The following AHCYL2 variants were observed in gnomAD, a reference collection of about 807,000 sequenced individuals.
The protein encoded by AHCYL2 is S-adenosylhomocysteine hydrolase-like protein 2.
A neutral mutation model predicts 81.4 loss-of-function variants in AHCYL2; 28 were observed. The observed-to-expected ratio is 0.34, with a 90% CI of 0.25 to 0.47. The LOEUF is 0.47. Ranked by LOEUF, AHCYL2 falls within the 20% of genes least tolerant of loss-of-function variation. The pLI, the probability that AHCYL2 is intolerant of heterozygous loss-of-function variation, is 1.00. For synonymous variants in AHCYL2, 272 were observed against 290.2 expected, an observed-to-expected ratio of 0.94 and a Z score of 0.64; for missense variants, 551 against 785.1, an observed-to-expected ratio of 0.70 and a Z score of 3.56.
chr7:129,294,998 T>C (rs2150755019), intron 1 of AHCYL2, among the ~76,000 whole-genome samples: 1 of 152,328 alleles, frequency 6.6e-6, no homozygotes, highest in Non-Finnish European at 1.5e-5. Context: ...TCAGGAGTTG[T>C]GTGGCTTGAT....
chr7:129,311,778 T>C lies in AHCYL2; in HGVS notation c.364-67860T>C, dbSNP rs181829384. ...CTTCCAGATGGTCTCTGCTTCTTTATTGCTGTTTCCGTCGTCTGTTTTCAG... is the reference window on the plus strand; with the variant it reads ...CTTCCAGATGGTCTCTGCTTCTTTACTGCTGTTTCCGTCGTCTGTTTTCAG... On this transcript the variant is annotated intron_variant, in intron 1 of 16. Coordinates refer to ENST00000325006, the MANE Select transcript of AHCYL2 (RefSeq NM_015328.4). Among the ~76,000 whole-genome samples, 430 of 152,308 alleles carry C rather than the reference T, an allele frequency of 2.8e-3. 4 individuals carry two copies. The highest frequency in any genetic ancestry group is 9.7e-3 in the African/African-American group (405 of 41,554).
intron 1 of AHCYL2, among the ~76,000 whole-genome samples, chr7:129,312,719 G>A (rs66864889): frequency 0.24 from 36,363 of 151,992 alleles, 4,475 homozygotes; most frequent in South Asian, 0.37. Context: ...CAGATATTAA[G>A]TCTACAGCAT....
chr7:129,321,766 G>GTTTTTTTTTT (rs1315391980), intron 1 of AHCYL2, among the ~76,000 whole-genome samples: 13 of 107,470 alleles, frequency 1.2e-4, no homozygotes, highest in South Asian at 6.5e-4. Flanking sequence ...TTTTTTTTTG[G>GTTTTTTTTTT]TCTTGGTTTT....
chr7:129,320,820 C>CT (rs1272324184), intron 1 of AHCYL2, among the ~76,000 whole-genome samples: 1 of 152,202 alleles, frequency 6.6e-6, no homozygotes, highest in African/African-American at 2.4e-5. Flanking sequence ...CACTAACCTA[C>CT]TTTCTGTCTC....
rs751055316 is a variant in AHCYL2 at position 129,368,548 on chromosome 7, G to T, written c.364-11090G>T. 1.9e-6 allele frequency: 3 copies of T among 1,614,008 alleles called. No individual in the cohort carries two copies. The highest frequency in any genetic ancestry group is 1.6e-4 in the Middle Eastern group (1 of 6,062). On this transcript the variant is annotated intron_variant, in intron 1 of 16. Transcript: ENST00000325006. The surrounding 1 kb of genome is among the most constrained non-coding windows in gnomAD (Gnocchi z 4.4). ...CCTCAGCTTTTCACATGCCTGAGTG[G>T]ATGGTGAGTTCACTGGTCGTTTTGT...
At chr7:129,273,373 G>A (rs2150731097) in intron 1 of AHCYL2, among the ~76,000 whole-genome samples, 1 of 109,834 alleles carries the variant, frequency 9.1e-6, no homozygotes, top group East Asian at 3.1e-4. Context: ...TTGTTGCCCA[G>A]GCTGGAGTGC....
rs186886881 is a variant in AHCYL2, at chr7:129,249,116, G to T, written c.363+23677G>T. Among the ~76,000 whole-genome samples, 48 of 150,386 alleles carry T rather than the reference G, an allele frequency of 3.2e-4. No individual in the cohort carries two copies. In the East Asian group the frequency reaches 9.3e-3, roughly 29 times the overall value. ...GGGCTCAGGTGATCCTCCTACTGCA[G>T]CCCCCGGAGTAGCTGGGACTACAGG... On this transcript the variant is annotated intron_variant, in intron 1 of 16. Coordinates refer to ENST00000325006, the MANE Select transcript of AHCYL2 (RefSeq NM_015328.4).
intron 1 of AHCYL2, among the ~76,000 whole-genome samples, chr7:129,322,218 C>A (rs967077491): frequency 3.9e-5 from 6 of 152,074 alleles, no homozygotes; most frequent in African/African-American, 1.2e-4. Context: ...TGGCTCACTG[C>A]AACCTCTTCC....
intron 1 of AHCYL2, among the ~76,000 whole-genome samples, chr7:129,320,795 C>G (rs1167295578): frequency 6.6e-6 from 1 of 152,176 alleles, no homozygotes; most frequent in African/African-American, 2.4e-5. Context: ...TTTCCTCCCC[C>G]CAGCCCCTGG....
rs1797017823 is a variant in AHCYL2, at chr7:129,419,620, A to G, written c.1462-3220A>G. ...GGCCTGTGTAATTGTAAGCTTCACA[A>G]TTCAGGTGGTCAAACCAGTAAGTAC... On this transcript the variant is annotated intron_variant, in intron 12 of 16. Transcript: ENST00000325006. The surrounding 1 kb of genome is among the most constrained non-coding windows in gnomAD (Gnocchi z 4.7). Among the ~76,000 whole-genome samples, 1 of 152,142 alleles carries G rather than the reference A, an allele frequency of 6.6e-6. No individual in the cohort carries two copies. The highest frequency in any genetic ancestry group is 1.5e-5 in the Non-Finnish European group (1 of 68,022).
At chr7:129,271,785 TA>T in intron 1 of AHCYL2, among the ~76,000 whole-genome samples, 1 of 152,168 alleles carries the variant, frequency 6.6e-6, no homozygotes, top group Admixed American at 6.5e-5. Context: ...ATAGAAAGCA[TA>T]ATAAAAGATG....
chr7:129,397,429 C>G (rs1795797989), intron 5 of AHCYL2, 105 bp downstream of exon 5: 1 of 1,133,262 alleles, frequency 8.8e-7, no homozygotes, highest in South Asian at 1.5e-5. Context: ...AAAGAACTAT[C>G]TTGGAAGAAA....
chr7:129,252,002 G>A (rs1441656366), intron 1 of AHCYL2, among the ~76,000 whole-genome samples: 1 of 151,880 alleles, frequency 6.6e-6, no homozygotes, highest in Admixed American at 6.6e-5. Context: ...TATTTGGCTG[G>A]CTTTTAGTGG....
chr7:129,354,130 T>C (rs10264209), intron 1 of AHCYL2, among the ~76,000 whole-genome samples: 7,381 of 152,048 alleles, frequency 0.049, 582 homozygotes, highest in African/African-American at 0.17. Context: ...TATACTGTAA[T>C]AAGTTTAGAA....
chr7:129,382,589 G>A (rs962478363), intron 2 of AHCYL2, among the ~76,000 whole-genome samples: 6 of 150,162 alleles, frequency 4.0e-5, no homozygotes, highest in African/African-American at 1.5e-4. Flanking sequence ...AATAGAGTGA[G>A]ACTTTTTTTT....
intron 1 of AHCYL2, among the ~76,000 whole-genome samples, chr7:129,261,011 A>T (rs889040213): frequency 2.6e-5 from 4 of 152,096 alleles, no homozygotes; most frequent in Non-Finnish European, 5.9e-5. Flanking sequence ...GCTGGTCTCG[A>T]ACTCCTGACC....
At position 129,379,735 on chromosome 7, in the gene AHCYL2, A is replaced by C; in HGVS notation, c.461A>C (p.Asp154Ala). ...CGTTCCATTTCTCAGTCATCTACTGACAGCTACAGCTCAGGTGAGTACTGA... is the reference window on the plus strand; with the variant it reads ...CGTTCCATTTCTCAGTCATCTACTGCCAGCTACAGCTCAGGTGAGTACTGA... ...LSRSISQSST[D>A]SYSSAASYTD... is the part of the protein sequence containing the mutation. The change falls in exon 2 of 17, where the codon GAC becomes GCC. Residue 154 changes from aspartate (D) to alanine (A), a missense_variant. By Grantham distance (126) the Asp-to-Ala change is moderately radical (BLOSUM62 -2). Transcript: ENST00000325006. 6.2e-7 allele frequency: 1 copy of C among 1,614,022 alleles called. No homozygotes were observed. Among genetic ancestry groups the C allele is most frequent in the Non-Finnish European group, 8.5e-7 (1 of 1,179,970 alleles).
At chr7:129,271,605 A>G (rs1306789312) in intron 1 of AHCYL2, among the ~76,000 whole-genome samples, 4 of 152,164 alleles carry the variant, frequency 2.6e-5, no homozygotes, top group Non-Finnish European at 5.9e-5. Context: ...TTTTATTTAT[A>G]TAAAGCTAAA....
Position 129,408,744 on chromosome 7 carries a change from G to T in AHCYL2, c.1296-732G>T, listed in dbSNP as rs113055120. 5.8e-3 allele frequency among the ~76,000 whole-genome samples: 884 copies of T among 152,146 alleles called. 10 individuals are homozygous for T. The highest frequency in any genetic ancestry group is 0.021 in the African/African-American group (852 of 41,450). ...CTCTATACTGAAAGAATAGAGAAAA[G>T]AATAAAGGCATAACCCTGCAGAGCA... On this transcript the variant is annotated intron_variant, in intron 10 of 16. Transcript: ENST00000325006.
Sources: allele counts gnomAD v4.1 joint callset (sites outside exome capture counted in the v4.1 genomes callset), GRCh38; gene constraint gnomAD v4.1.1; non-coding constraint Gnocchi (gnomAD v3.1); transcripts MANE v1.5; gene names NCBI Gene and HGNC (gene_info 2026-07-23, HGNC 2026-07-21).